Variants in GNG12 observed in about 807,000 individuals in gnomAD.
The protein encoded by GNG12 is G protein subunit gamma 12.
For synonymous variants in GNG12, 28 were observed against 29.7 expected, an observed-to-expected ratio of 0.94 and a Z score of 0.19; for missense variants, 69 against 83.8, an observed-to-expected ratio of 0.82 and a Z score of 0.69.
intron 2 of GNG12, among the ~76,000 whole-genome samples, chr1:67,747,614 G>C (rs958502819): frequency 6.6e-6 from 1 of 152,216 alleles, no homozygotes; most frequent in South Asian, 2.1e-4. Context: ...CACTTAATGA[G>C]AGTGAGGTGG....
At chr1:67,720,272 C>T (rs141172202) in intron 2 of GNG12, among the ~76,000 whole-genome samples, 256 of 152,318 alleles carry the variant, frequency 1.7e-3, no homozygotes, top group Non-Finnish European at 2.9e-3. Context: ...AAGTTTTCAG[C>T]TGGTGAAGGC....
intron 2 of GNG12, among the ~76,000 whole-genome samples, chr1:67,737,744 C>A (rs930257316): frequency 2.6e-5 from 4 of 151,980 alleles, no homozygotes; most frequent in Non-Finnish European, 5.9e-5. Context: ...ATTGCAACAA[C>A]ATCTTCATAT....
chr1:67,717,067 G>C (rs1397048089), intron 2 of GNG12, among the ~76,000 whole-genome samples: 2 of 152,142 alleles, frequency 1.3e-5, no homozygotes, highest in African/African-American at 4.8e-5. Flanking sequence ...ATTCAGTAGG[G>C]CTGGAGAAGG....
chr1:67,717,542 T>C (rs987440080), intron 2 of GNG12, among the ~76,000 whole-genome samples: 2 of 152,132 alleles, frequency 1.3e-5, no homozygotes, highest in African/African-American at 2.4e-5. Context: ...CACTACTTTT[T>C]TTCTGTGCTT....
At chr1:67,759,240 T>C (rs936566409) in intron 2 of GNG12, among the ~76,000 whole-genome samples, 6 of 152,198 alleles carry the variant, frequency 3.9e-5, no homozygotes, top group African/African-American at 1.2e-4. Flanking sequence ...ACAGTACTAA[T>C]GGAGGCCAGA....
chr1:67,743,159 AG>A (rs1646491694), intron 2 of GNG12, among the ~76,000 whole-genome samples: 1 of 152,202 alleles, frequency 6.6e-6, no homozygotes, highest in Admixed American at 6.5e-5. Flanking sequence ...GTTACCATGA[AG>A]CCACCTTCCG....
chr1:67,828,641 G>A (rs1647025264), intron 1 of GNG12, among the ~76,000 whole-genome samples: 1 of 152,150 alleles, frequency 6.6e-6, no homozygotes, highest in Non-Finnish European at 1.5e-5. Context: ...ACCAATATCT[G>A]CCTCATTACT....
rs1646236993 is a variant in GNG12 at position 67,704,841 on chromosome 1, A to T, written c.*610T>A. On this transcript the variant is annotated 3_prime_UTR_variant, in exon 4 of 4. Coordinates refer to ENST00000370982, the MANE Select transcript of GNG12 (RefSeq NM_018841.6). ...CTTTAGGATACTCTTTACTTTTTGT[A>T]CAATAACGATATGAAAGGAATTTTT... The T allele has an allele frequency of 6.6e-6, 1 of 152,430 alleles. No homozygotes were observed. Among genetic ancestry groups the T allele is most frequent in the African/African-American group, 2.4e-5 (1 of 41,454 alleles). 9.4% of individuals were successfully genotyped at this position (152,430 alleles called of 1,614,324 possible).
chr1:67,768,591 G>A (rs976656308), intron 2 of GNG12, among the ~76,000 whole-genome samples: 1 of 152,168 alleles, frequency 6.6e-6, no homozygotes, highest in African/African-American at 2.4e-5. Flanking sequence ...ATTATGTGAT[G>A]GGCCACTGGC....
chr1:67,810,931 G>C (rs1260087236), intron 1 of GNG12, among the ~76,000 whole-genome samples: 1 of 152,218 alleles, frequency 6.6e-6, no homozygotes, highest in Admixed American at 6.5e-5. Flanking sequence ...TAATACAACA[G>C]GTAGTTAGTG....
chr1:67,734,784 C>G (rs1415045404), intron 2 of GNG12, among the ~76,000 whole-genome samples: 1 of 152,182 alleles, frequency 6.6e-6, no homozygotes, highest in Non-Finnish European at 1.5e-5. Flanking sequence ...ACTACAGGGT[C>G]TGGCTCTAGT....
chr1:67,723,618 T>C (rs1646369275), intron 2 of GNG12, among the ~76,000 whole-genome samples: 1 of 152,194 alleles, frequency 6.6e-6, no homozygotes, highest in Non-Finnish European at 1.5e-5. Flanking sequence ...GCTTTACAGA[T>C]ATTAACTTAA....
At position 67,707,049 on chromosome 1, in the gene GNG12, G is replaced by A. The variant is rs868215499; in HGVS notation, c.93+545C>T. ...CTTGGGATTTAGGGGAAAAGACTTC[G>A]AAGTCAGGTGATCTAAGAAATGCAT... On this transcript the variant is annotated intron_variant, in intron 3 of 3. Transcript: ENST00000370982. Among the ~76,000 whole-genome samples, 12 of 152,270 alleles carry A rather than the reference G, an allele frequency of 7.9e-5. No individual in the cohort carries two copies. In the South Asian group the frequency reaches 1.5e-3, roughly 18 times the overall value.
In GNG12 at chr1:67,704,294, G is replaced by A. The variant is rs1431767445; in HGVS notation, c.*1157C>T. On this transcript the variant is annotated 3_prime_UTR_variant, in exon 4 of 4. Transcript: ENST00000370982. ...ATGAAACTGCAGATGTCTGAAAAGA[G>A]CTTAAGCATCCTGACAGCTTGCATT... The A allele has an allele frequency of 1.3e-5, 2 of 152,230 alleles. No homozygotes were observed. The highest frequency in any genetic ancestry group is 1.3e-4 in the Admixed American group (2 of 15,290). The allele number at this position is 152,230 out of a possible 1,614,324, so 9.4% of individuals were successfully genotyped here. A position where few individuals can be genotyped will look rare whatever the true frequency, so the allele number is the denominator to read the frequency against.
At chr1:67,826,929 T>C (rs2100829488) in intron 1 of GNG12, among the ~76,000 whole-genome samples, 1 of 152,334 alleles carries the variant, frequency 6.6e-6, no homozygotes, top group African/African-American at 2.4e-5. Flanking sequence ...GGGTTTAGTG[T>C]CCAGTGGTCA....
chr1:67,820,883 G>A (rs116697139), intron 1 of GNG12, among the ~76,000 whole-genome samples: 97 of 152,226 alleles, frequency 6.4e-4, no homozygotes, highest in Non-Finnish European at 1.2e-3. Context: ...TTTAATAAAT[G>A]CATTTAACTG....
intron 2 of GNG12, among the ~76,000 whole-genome samples, chr1:67,750,680 T>C (rs1294747062): frequency 6.6e-6 from 1 of 152,210 alleles, no homozygotes; most frequent in Non-Finnish European, 1.5e-5. Context: ...TAGCATATTT[T>C]CCCATAGAAA....
At chr1:67,794,010 A>G (rs1283090465) in intron 1 of GNG12, among the ~76,000 whole-genome samples, 1 of 152,222 alleles carries the variant, frequency 6.6e-6, no homozygotes, top group East Asian at 1.9e-4. Flanking sequence ...TCATAGAGAG[A>G]CATAACAGGC....
At chr1:67,728,525 A>G (rs1646400273) in intron 2 of GNG12, among the ~76,000 whole-genome samples, 1 of 152,066 alleles carries the variant, frequency 6.6e-6, no homozygotes, top group African/African-American at 2.4e-5. Context: ...TAAGCTTTTG[A>G]TACTTATATG....
Sources: gnomAD v4.1 joint callset for allele counts (sites outside exome capture counted in the v4.1 genomes callset) on GRCh38, gnomAD v4.1.1 for gene constraint, MANE v1.5 for transcripts, NCBI Gene and HGNC (gene_info 2026-07-23, HGNC 2026-07-21) for gene names.